The following AK7 variants were observed in gnomAD, a reference collection of about 807,000 sequenced individuals.
AK7 encodes the protein adenylate kinase 7.
In AK7, 78 loss-of-function variants were observed where a neutral mutation model predicts 96.6. The ratio of observed to expected loss-of-function variants is 0.81; its 90% CI spans 0.67 to 0.97. The LOEUF (loss-of-function observed/expected upper bound fraction) is 0.97, where lower values mean the gene tolerates loss of function less well. AK7 is among the 50% of genes least tolerant of loss of function. The pLI is 0.00. For missense variants in AK7, 855 were observed against 887.9 expected (o/e 0.96, Z 0.47); for synonymous variants, 302 against 317.2 (o/e 0.95, Z 0.51).
intron 2 of AK7, chr14:96,398,892 C>G (rs1890241257): frequency 6.5e-6 from 1 of 153,408 alleles, no homozygotes; most frequent in South Asian, 2.0e-4. Flanking sequence ...TTCTCCTGGG[C>G]CAACTCCTCC....
chr14:96,467,540 GT>G (rs1894639193), intron 12 of AK7, among the ~76,000 whole-genome samples: 1 of 152,092 alleles, frequency 6.6e-6, no homozygotes, highest in African/African-American at 2.4e-5. Context: ...GGGTTTCACT[GT>G]GTTGACCAGG....
chr14:96,392,858 T>G (rs1253205858), intron 1 of AK7, among the ~76,000 whole-genome samples: 1 of 152,080 alleles, frequency 6.6e-6, no homozygotes, highest in African/African-American at 2.4e-5. Flanking sequence ...GAGACGGGGT[T>G]TCACTGTGTT....
At chr14:96,430,222 G>A (rs1892272736) in intron 5 of AK7, among the ~76,000 whole-genome samples, 3 of 137,614 alleles carry the variant, frequency 2.2e-5, no homozygotes, top group African/African-American at 8.4e-5. Context: ...GTCTCACTCT[G>A]TCACCCAGGC....
intron 5 of AK7, among the ~76,000 whole-genome samples, chr14:96,431,463 T>G (rs1892348054): frequency 6.6e-6 from 1 of 152,240 alleles, no homozygotes; most frequent in Non-Finnish European, 1.5e-5. Context: ...CGTTGTGTCT[T>G]TGTTCTCATT....
rs542803298 is a variant in AK7, at chr14:96,439,639, G to C, written c.690+1724G>C. 9.5e-5 allele frequency among the ~76,000 whole-genome samples: 14 copies of C among 146,766 alleles called. No homozygotes were observed. In the South Asian group the frequency reaches 2.8e-3, roughly 29 times the overall value. ...AAATTGCACCACTGCACTCCAGCCT[G>C]GGTGACAGAGCGAGACTCCATCTCA... is the stretch of plus-strand genomic sequence containing the variant. On this transcript the variant is annotated intron_variant, in intron 6 of 17. Transcript: ENST00000267584.
chr14:96,407,580 C>CTTTTT (rs11364736), intron 3 of AK7, among the ~76,000 whole-genome samples: 25 of 60,332 alleles, frequency 4.1e-4, no homozygotes, highest in Non-Finnish European at 5.3e-4. Flanking sequence ...TCTTTCTTTT[C>CTTTTT]TTTTTTTTTT....
At chr14:96,460,104 G>A (rs1894172896) in intron 12 of AK7, among the ~76,000 whole-genome samples, 1 of 152,172 alleles carries the variant, frequency 6.6e-6, no homozygotes, top group South Asian at 2.1e-4. Context: ...ATAGTGAGTA[G>A]CCCCTTTGTT....
At chr14:96,392,366 G>A in intron 1 of AK7, 107 bp downstream of exon 1, 1 of 994,516 alleles carries the variant, frequency 1.0e-6, no homozygotes, top group Non-Finnish European at 1.5e-6. Context: ...CGCTGTCGGG[G>A]CCTTTCCTCA....
intron 12 of AK7, among the ~76,000 whole-genome samples, chr14:96,463,816 C>T (rs1477882719): frequency 6.6e-6 from 1 of 151,366 alleles, no homozygotes; most frequent in Non-Finnish European, 1.5e-5. Flanking sequence ...CAATGATAAC[C>T]AAGAGAACAT....
intron 16 of AK7, among the ~76,000 whole-genome samples, chr14:96,484,505 T>C (rs1895672429): frequency 6.6e-6 from 1 of 152,146 alleles, no homozygotes; most frequent in African/African-American, 2.4e-5. Context: ...AAACTTGTCA[T>C]TGTGGTCAAG....
chr14:96,459,856 A>G (rs1894157717), intron 12 of AK7, among the ~76,000 whole-genome samples: 1 of 152,118 alleles, frequency 6.6e-6, no homozygotes, highest in African/African-American at 2.4e-5. Flanking sequence ...TAGCCTGGGC[A>G]ACAGAGAAAG....
At chr14:96,426,437 G>A (rs1268819535) in intron 5 of AK7, among the ~76,000 whole-genome samples, 3 of 152,234 alleles carry the variant, frequency 2.0e-5, no homozygotes, top group East Asian at 3.9e-4. Context: ...TACTTAGAAT[G>A]AGATAGTTTA....
At chr14:96,453,112 GA>G (rs201596934) in intron 10 of AK7, among the ~76,000 whole-genome samples, 3 of 149,798 alleles carry the variant, frequency 2.0e-5, no homozygotes, top group Non-Finnish European at 4.5e-5. Context: ...TATTCTCTTG[GA>G]AAAAAAAACA....
Position 96,439,384 on chromosome 14 carries a change from AT to A in AK7, c.690+1470del, listed in dbSNP as rs778829686. Among the ~76,000 whole-genome samples, 36 of 152,244 alleles carry A rather than the reference AT, an allele frequency of 2.4e-4. 1 individual carries two copies. The East Asian group carries it at 2.7e-3, about 11-fold the overall frequency. On this transcript the variant is annotated intron_variant, in intron 6 of 17. Transcript: ENST00000267584. ...GAAAAGTAAATAATTATTAAAAAAAATATTTTTGGCCGACTCACGCCTGTAA... is the reference window on the plus strand; with the variant it reads ...GAAAAGTAAATAATTATTAAAAAAAAATTTTTGGCCGACTCACGCCTGTAA...
intron 4 of AK7, among the ~76,000 whole-genome samples, chr14:96,415,738 T>G (rs549479178): frequency 6.7e-6 from 1 of 149,450 alleles, no homozygotes; most frequent in Non-Finnish European, 1.5e-5. Flanking sequence ...TTTTAATACA[T>G]TAATTAAATT....
intron 5 of AK7, among the ~76,000 whole-genome samples, chr14:96,435,506 G>A (rs1055347764): frequency 6.6e-6 from 1 of 152,162 alleles, no homozygotes; most frequent in African/African-American, 2.4e-5. Context: ...GGTTAGAGGA[G>A]AGGTGGTACC....
rs1893603792 is a variant in AK7 at position 96,451,503 on chromosome 14, C to A, written c.1031C>A (p.Ala344Asp). The A allele has an allele frequency of 1.2e-6, 2 of 1,601,328 alleles. No homozygotes were observed. The highest frequency in any genetic ancestry group is 1.7e-6 in the Non-Finnish European group (2 of 1,173,014). Reference sequence around the variant, plus strand: ...GAGAATTTTAATATTCGATGGGCTGCCCAAACAGGATTTGTGGAAAATATC... The same window carrying A: ...GAGAATTTTAATATTCGATGGGCTGACCAAACAGGATTTGTGGAAAATATC... Reference protein sequence around the residue: ...VKENFNIRWAAQTGFVENINT... With the variant: ...VKENFNIRWADQTGFVENINT... The change falls in exon 10 of 18, where the codon GCC becomes GAC. Residue 344 changes from alanine (A) to aspartate (D), a missense_variant. Physicochemically the swap from Ala to Asp is moderately radical, Grantham distance 126 (BLOSUM62 -2). Coordinates refer to ENST00000267584, the MANE Select transcript of AK7 (RefSeq NM_152327.5).
At chr14:96,466,858 T>G (rs1477222523) in intron 12 of AK7, among the ~76,000 whole-genome samples, 2 of 152,218 alleles carry the variant, frequency 1.3e-5, no homozygotes, top group South Asian at 4.1e-4. Flanking sequence ...AACTTTGTTT[T>G]GGCCTTATTA....
At chr14:96,448,246 G>T (rs1893357990) in intron 8 of AK7, among the ~76,000 whole-genome samples, 4 of 151,944 alleles carry the variant, frequency 2.6e-5, no homozygotes. Flanking sequence ...GTTTTAGTCT[G>T]TTTGAACTGC....
Sources: allele counts gnomAD v4.1 joint callset (sites outside exome capture counted in the v4.1 genomes callset), GRCh38; gene constraint gnomAD v4.1.1; transcripts MANE v1.5; gene names NCBI Gene and HGNC (gene_info 2026-07-23, HGNC 2026-07-21).